Variants in SLC38A6 observed in about 807,000 individuals in gnomAD.
SLC38A6 encodes the protein solute carrier family 38 member 6.
SLC38A6 carries 73 observed loss-of-function variants against 65.0 expected under a neutral mutation model. The observed-to-expected ratio is 1.12, with a 90% CI of 0.93 to 1.37. The LOEUF (loss-of-function observed/expected upper bound fraction) is 1.37. Ranked by LOEUF, SLC38A6 falls within the 40% of genes most tolerant of loss-of-function variation. The pLI, the probability that SLC38A6 is intolerant of heterozygous loss-of-function variation, is 0.00. For synonymous variants in SLC38A6, 183 were observed against 178.8 expected (o/e 1.02, Z -0.19); for missense variants, 561 against 531.1 (o/e 1.06, Z -0.55).
intron 3 of SLC38A6, among the ~76,000 whole-genome samples, chr14:60,998,787 G>A (rs770330376): frequency 2.0e-5 from 3 of 152,206 alleles, no homozygotes; most frequent in African/African-American, 7.2e-5. Flanking sequence ...GCCGGTCTGC[G>A]AGCTCCGCCT....
chr14:61,004,102 A>G (rs2038906317), intron 3 of SLC38A6, among the ~76,000 whole-genome samples: 1 of 152,176 alleles, frequency 6.6e-6, no homozygotes, highest in Admixed American at 6.5e-5. Context: ...ATTTTCTCAA[A>G]CAGTAACTGT....
chr14:61,048,973 T>C (rs1384488658), intron 12 of SLC38A6, among the ~76,000 whole-genome samples: 1 of 152,204 alleles, frequency 6.6e-6, no homozygotes, highest in African/African-American at 2.4e-5. Context: ...CTGGCTCTTC[T>C]TAGTCTCCTA....
chr14:61,014,713 G>T (rs917320809), intron 3 of SLC38A6, among the ~76,000 whole-genome samples: 3 of 152,340 alleles, frequency 2.0e-5, no homozygotes, highest in East Asian at 1.9e-4. Context: ...TTGGTGAACA[G>T]CAAATGTTGC....
chr14:61,081,963 C>T (rs1419718716), intron 16 of SLC38A6, among the ~76,000 whole-genome samples: 1 of 152,128 alleles, frequency 6.6e-6, no homozygotes, highest in African/African-American at 2.4e-5. Flanking sequence ...ATGGGAGAGA[C>T]AGGCTGTGCC....
intron 15 of SLC38A6, among the ~76,000 whole-genome samples, chr14:61,065,111 GGTGT>G: frequency 6.6e-6 from 1 of 150,616 alleles, no homozygotes; most frequent in African/African-American, 2.4e-5. Context: ...AAATCTTTGG[GGTGT>G]GTGTGTGTGT....
At chr14:61,017,552 C>G (rs540759720) in intron 4 of SLC38A6, among the ~76,000 whole-genome samples, 42 of 152,174 alleles carry the variant, frequency 2.8e-4, no homozygotes, top group African/African-American at 9.9e-4. Context: ...CTAGTTTAAA[C>G]AAAGAAGAAA....
chr14:61,018,643 G>A (rs1362456466), intron 4 of SLC38A6, among the ~76,000 whole-genome samples: 1 of 152,172 alleles, frequency 6.6e-6, no homozygotes, highest in Non-Finnish European at 1.5e-5. Context: ...CCACATGGAA[G>A]CACAGTGTTT....
intron 3 of SLC38A6, among the ~76,000 whole-genome samples, chr14:61,014,361 T>C (rs1259873003): frequency 6.6e-6 from 1 of 152,194 alleles, no homozygotes; most frequent in African/African-American, 2.4e-5. Context: ...AGTTTGATCT[T>C]CTGAAGCCTT....
chr14:61,074,603 T>C (rs1399188385), intron 15 of SLC38A6, among the ~76,000 whole-genome samples: 2 of 152,190 alleles, frequency 1.3e-5, no homozygotes, highest in Non-Finnish European at 2.9e-5. Flanking sequence ...ACTTGTGGGT[T>C]AGGGCCTCAA....
intron 15 of SLC38A6, among the ~76,000 whole-genome samples, chr14:61,078,085 C>T (rs183178678): frequency 7.4e-4 from 112 of 152,294 alleles, no homozygotes; most frequent in Non-Finnish European, 1.4e-3. Context: ...ATACCTGGGA[C>T]GGTAATACCC....
At chr14:60,990,641 AT>A (rs1594967372) in intron 3 of SLC38A6, among the ~76,000 whole-genome samples, 1 of 151,588 alleles carries the variant, frequency 6.6e-6, no homozygotes, top group South Asian at 2.1e-4. Context: ...TTCAAAAAAA[AT>A]TTTTTTTCGA....
At chr14:61,043,572 C>A in intron 10 of SLC38A6, 69 bp downstream of exon 10, 1 of 1,175,092 alleles carries the variant, frequency 8.5e-7, no homozygotes, top group Non-Finnish European at 1.2e-6. Flanking sequence ...GTTTGTGTAA[C>A]AGGGTCTCTT....
At chr14:61,031,580 A>G (rs1469077756) in intron 6 of SLC38A6, among the ~76,000 whole-genome samples, 1 of 152,114 alleles carries the variant, frequency 6.6e-6, no homozygotes, top group East Asian at 1.9e-4. Context: ...GATACTTTAC[A>G]GTTAATGAGG....
At chr14:61,048,715 T>C (rs151251652) in intron 12 of SLC38A6, among the ~76,000 whole-genome samples, 46 of 152,286 alleles carry the variant, frequency 3.0e-4, no homozygotes, top group East Asian at 1.9e-4. Context: ...CTTATAGGTA[T>C]GTACCTAGAT....
rs191966790 is a variant in SLC38A6, at chr14:61,014,092, C to T, written c.311-1812C>T. Among the ~76,000 whole-genome samples the T allele has an allele frequency of 7.6e-3, 1,153 of 152,216 alleles. 9 individuals are homozygous for T. The highest frequency in any genetic ancestry group is 0.027 in the African/African-American group (1,113 of 41,520). On this transcript the variant is annotated intron_variant, in intron 3 of 15. Coordinates refer to ENST00000267488, the MANE Select transcript of SLC38A6 (RefSeq NM_153811.3). ...GAGGCTTTGTTCATTTCTTTTTATT[C>T]TTTTTTCTCTAAACTTCTCTTCTCG...
intron 8 of SLC38A6, among the ~76,000 whole-genome samples, chr14:61,041,254 C>T (rs1230308219): frequency 6.6e-6 from 1 of 152,162 alleles, no homozygotes; most frequent in Non-Finnish European, 1.5e-5. Flanking sequence ...GGTCTCGTTT[C>T]ACTCCCGTTC....
At chr14:61,071,391 G>A (rs546452008) in intron 15 of SLC38A6, among the ~76,000 whole-genome samples, 9 of 152,032 alleles carry the variant, frequency 5.9e-5, no homozygotes, top group Admixed American at 5.9e-4. Flanking sequence ...CTTCATTAAA[G>A]ATTTTATTGG....
In SLC38A6 at chr14:60,981,510, A is replaced by T. The variant is rs539434831; in HGVS notation, c.105+128A>T. The T allele has an allele frequency of 4.6e-6, 7 of 1,533,430 alleles. No homozygotes were observed. In the African/African-American group the frequency reaches 5.5e-5, roughly 12 times the overall value. The allele number at this position is 1,533,430 out of a possible 1,614,324, so 95.0% of individuals were successfully genotyped here. A position where few individuals can be genotyped will look rare whatever the true frequency, so the allele number is the denominator to read the frequency against. ...GATGCTGGAGCCTGAACCCTGGGGG[A>T]TGGGGTCTGAAGGCAGCCGCCGAGA... On this transcript the variant is annotated intron_variant, in intron 1 of 15. Coordinates refer to ENST00000267488, the MANE Select transcript of SLC38A6 (RefSeq NM_153811.3).
chr14:61,045,504 C>T (rs1267445218), intron 11 of SLC38A6, 79 bp downstream of exon 11: 3 of 1,053,022 alleles, frequency 2.8e-6, no homozygotes, highest in Non-Finnish European at 4.3e-6. Flanking sequence ...ATGACATCCT[C>T]TTTTATTAAT....
Sources: gnomAD v4.1 joint callset for allele counts (sites outside exome capture counted in the v4.1 genomes callset) on GRCh38, gnomAD v4.1.1 for gene constraint, MANE v1.5 for transcripts, NCBI Gene and HGNC (gene_info 2026-07-23, HGNC 2026-07-21) for gene names.